The following SPAG9 variants were observed in gnomAD, a reference collection of about 807,000 sequenced individuals.
The protein encoded by SPAG9 is C-Jun-amino-terminal kinase-interacting protein 4.
Under a neutral mutation model 166.5 loss-of-function variants are expected in SPAG9, and 35 were observed. That is an observed-to-expected ratio of 0.21 (90% confidence interval 0.16 to 0.28). The LOEUF is 0.28. Among genes scored for constraint, SPAG9 ranks in the 10% least tolerant of loss-of-function variants. The pLI is 1.00. For missense variants in SPAG9, 1,235 were observed against 1,603.3 expected (o/e 0.77, Z 3.92); for synonymous variants, 534 against 565.5 (o/e 0.94, Z 0.79).
rs1454590825 is a variant in SPAG9, at chr17:51,120,197, G to T, written c.303+157C>A. The stretch of plus-strand genomic sequence containing the variant: ...TTCCAACGCCGGCCTGGCTCCCGGG[G>T]TACCTGGAGGCCGCCGGGATCGGTC... On this transcript the variant is annotated intron_variant, in intron 1 of 29. Coordinates refer to ENST00000262013, the MANE Select transcript of SPAG9 (RefSeq NM_001130528.3). The surrounding 1 kb of genome is among the most constrained non-coding windows in gnomAD (Gnocchi z 4.7). Among the ~76,000 whole-genome samples the T allele has an allele frequency of 6.6e-6, 1 of 152,162 alleles. No homozygotes were observed. Among genetic ancestry groups the T allele is most frequent in the African/African-American group, 2.4e-5 (1 of 41,444 alleles).
intron 20 of SPAG9, 173 bp downstream of exon 20, chr17:50,990,277 C>T: frequency 1.7e-6 from 1 of 605,554 alleles, no homozygotes; most frequent in Non-Finnish European, 2.9e-6. Flanking sequence ...ATCCACCCGC[C>T]TTGGCCTCCC....
chr17:50,996,439 G>T, intron 16 of SPAG9, 126 bp downstream of exon 16: 1 of 1,061,182 alleles, frequency 9.4e-7, no homozygotes, highest in Non-Finnish European at 1.4e-6. Flanking sequence ...ATGCTTAAAT[G>T]TGTGCCCAGT....
intron 9 of SPAG9, among the ~76,000 whole-genome samples, chr17:51,013,308 A>C (rs1173256039): frequency 1.3e-5 from 2 of 152,158 alleles, no homozygotes; most frequent in African/African-American, 4.8e-5. Flanking sequence ...GTTATAAGGA[A>C]GGTATACCAA....
At position 50,985,712 on chromosome 17, in the gene SPAG9, C is replaced by A; in HGVS notation, c.3006G>T (p.Ser1002=). 1 of 1,592,698 alleles carries A rather than the reference C, an allele frequency of 6.3e-7. No individual in the cohort carries two copies. Among genetic ancestry groups the A allele is most frequent in the African/African-American group, 1.3e-5 (1 of 74,564 alleles). The stretch of plus-strand genomic sequence containing the variant: ...ATAAAACTTACACAATACTGAGAAT[C>A]GAATCTTTAAGTTTAATGGAATGGA... The part of the protein sequence containing the change: ...KCLHSIKLKD[S]ILSIVHVKGI... The change falls in exon 23 of 30, where the codon TCG becomes TCT. Residue 1002 remains serine (S), a synonymous_variant. Transcript: ENST00000262013.
chr17:51,041,586 T>C lies in SPAG9; in HGVS notation c.656A>G (p.Asp219Gly). The C allele has an allele frequency of 1.9e-6, 3 of 1,613,970 alleles. No individual in the cohort carries two copies. The highest frequency in any genetic ancestry group is 2.5e-6 in the Non-Finnish European group (3 of 1,179,856). ...LPAGDGLLTP[D>G]AQKGGETPGS... The stretch of plus-strand genomic sequence containing the variant: ...AGGGGTCTCTCCTCCTTTCTGAGCA[T>C]CAGGTGTAAGCAATCCATCTCCAGC... Residue 219 changes from aspartate (D) to glycine (G), a missense_variant, in exon 5 of 30, where the codon GAT (aspartate) becomes GGT (glycine). Asp to Gly is a moderately conservative substitution (Grantham distance 94). Coordinates refer to ENST00000262013, the MANE Select transcript of SPAG9 (RefSeq NM_001130528.3).
chr17:51,092,670 T>C (rs1405569665), intron 1 of SPAG9, among the ~76,000 whole-genome samples: 1 of 151,002 alleles, frequency 6.6e-6, no homozygotes, highest in Non-Finnish European at 1.5e-5. Context: ...TCTCAGTGCT[T>C]TGGGAGGCAA....
intron 2 of SPAG9, among the ~76,000 whole-genome samples, chr17:51,071,053 G>A (rs1411457453): frequency 1.3e-5 from 2 of 152,004 alleles, no homozygotes; most frequent in South Asian, 2.1e-4. Flanking sequence ...TAGGCCATAC[G>A]CATAATCTTC....
chr17:51,028,705 A>G lies in SPAG9; in HGVS notation c.783+2976T>C, dbSNP rs538336272. ...CTCTGTTGTTAAGCGACACATGACT[A>G]TGTATGCAAACAAGGGAAAATTCTT... On this transcript the variant is annotated intron_variant, in intron 6 of 29. Coordinates refer to ENST00000262013, the MANE Select transcript of SPAG9 (RefSeq NM_001130528.3). 2.0e-5 allele frequency among the ~76,000 whole-genome samples: 3 copies of G among 152,214 alleles called. No homozygotes were observed. The South Asian group carries it at 6.2e-4, about 31-fold the overall frequency.
chr17:51,108,837 A>T (rs114328729), intron 1 of SPAG9, among the ~76,000 whole-genome samples: 3,465 of 150,132 alleles, frequency 0.023, 112 homozygotes, highest in African/African-American at 0.07. Flanking sequence ...ATTTATTTTT[A>T]TTTTTTTTTG....
At position 51,045,874 on chromosome 17, in the gene SPAG9, C is replaced by T. The variant is rs142295164; in HGVS notation, c.590+1501G>A. Among the ~76,000 whole-genome samples, 6 of 152,224 alleles carry T rather than the reference C, an allele frequency of 3.9e-5. No homozygotes were observed. In the East Asian group the frequency reaches 1.2e-3, roughly 29 times the overall value. On this transcript the variant is annotated intron_variant, in intron 4 of 29. Transcript: ENST00000262013. Reference sequence around the variant, plus strand: ...AAAGAAAAGAAAGGGCAACATCTGACAAAACAATAGTGAATAGGCTTTGTA... The same window carrying T: ...AAAGAAAAGAAAGGGCAACATCTGATAAAACAATAGTGAATAGGCTTTGTA...
At chr17:50,973,086 A>C (rs1973946044) in intron 28 of SPAG9, among the ~76,000 whole-genome samples, 1 of 152,262 alleles carries the variant, frequency 6.6e-6, no homozygotes, top group African/African-American at 2.4e-5. Flanking sequence ...TACCAGTTAA[A>C]TGAATAAACT....
intron 2 of SPAG9, among the ~76,000 whole-genome samples, chr17:51,071,840 T>C (rs2047827878): frequency 6.6e-6 from 1 of 152,190 alleles, no homozygotes. Flanking sequence ...GCTCCTAAAA[T>C]ATGTTCATGA....
intron 19 of SPAG9, among the ~76,000 whole-genome samples, chr17:50,993,391 T>G (rs1975782375): frequency 6.6e-6 from 1 of 152,096 alleles, no homozygotes; most frequent in African/African-American, 2.4e-5. Context: ...CTTCATTCCT[T>G]TTTATGGCTG....
chr17:50,999,344 G>T, intron 14 of SPAG9: 1 of 689,282 alleles, frequency 1.5e-6, no homozygotes, highest in South Asian at 2.4e-5. Flanking sequence ...CTTATTTAAT[G>T]GGGATCCAGG....
chr17:51,025,007 A>G (rs1327080021), intron 6 of SPAG9, among the ~76,000 whole-genome samples: 1 of 148,172 alleles, frequency 6.7e-6, no homozygotes, highest in Non-Finnish European at 1.5e-5. Flanking sequence ...CAACAGAGCA[A>G]GACTTCATCT....
chr17:51,027,989 T>C (rs567316014), intron 6 of SPAG9, among the ~76,000 whole-genome samples: 38 of 152,018 alleles, frequency 2.5e-4, no homozygotes, highest in Non-Finnish European at 4.3e-4. Context: ...GATACTGACA[T>C]TGATGATCCT....
chr17:51,051,996 G>T (rs1484714328), intron 3 of SPAG9, among the ~76,000 whole-genome samples: 2 of 152,036 alleles, frequency 1.3e-5, no homozygotes, highest in Non-Finnish European at 2.9e-5. Flanking sequence ...TTCTTCCACT[G>T]CCCTCTTTAA....
intron 4 of SPAG9, among the ~76,000 whole-genome samples, chr17:51,042,948 T>TG (rs757477760): frequency 6.6e-6 from 1 of 152,174 alleles, no homozygotes; most frequent in Non-Finnish European, 1.5e-5. Flanking sequence ...TGAAGTACAG[T>TG]GGGACGATCT....
chr17:51,024,019 G>C (rs574559205), intron 6 of SPAG9, among the ~76,000 whole-genome samples: 1 of 152,350 alleles, frequency 6.6e-6, no homozygotes, highest in South Asian at 2.1e-4. Flanking sequence ...TTAGCAGCCA[G>C]GCTCGGTGGC....
Sources: allele counts gnomAD v4.1 joint callset (sites outside exome capture counted in the v4.1 genomes callset), GRCh38; gene constraint gnomAD v4.1.1; non-coding constraint Gnocchi (gnomAD v3.1); transcripts MANE v1.5; gene names NCBI Gene and HGNC (gene_info 2026-07-23, HGNC 2026-07-21).